The following NAA16 variants were observed in gnomAD, a reference collection of about 807,000 sequenced individuals.
The protein encoded by NAA16 is NARG1-like protein.
NAA16 carries 97 observed loss-of-function variants against 110.3 expected under a neutral mutation model. The ratio of observed to expected loss-of-function variants is 0.88; its 90% CI spans 0.75 to 1.04. The LOEUF (loss-of-function observed/expected upper bound fraction) is 1.04, where lower values mean the gene tolerates loss of function less well. Among genes scored for constraint, NAA16 ranks in the 50% least tolerant of loss-of-function variants. The probability of loss-of-function intolerance (pLI) is 0.00; values close to 1 mark genes in which losing one functional copy is unlikely to be tolerated. For synonymous variants in NAA16, 372 were observed against 330.6 expected (o/e 1.13, Z -1.36); for missense variants, 1,017 against 1,005.1 (o/e 1.01, Z -0.16).
intron 1 of NAA16, 107 bp downstream of exon 1, chr13:41,311,689 C>G: frequency 9.9e-7 from 1 of 1,014,532 alleles, no homozygotes. Context: ...GCCTCCGCTG[C>G]CCACCGCTCT....
Position 41,374,789 on chromosome 13 carries a change from AT to A in NAA16, c.2349del (p.Ile783MetfsTer3), listed in dbSNP as rs759671648. On this transcript the variant is annotated frameshift_variant, in exon 19 of 20. Coordinates refer to ENST00000379406, the MANE Select transcript of NAA16 (RefSeq NM_024561.5). LOFTEE classifies it low-confidence loss of function (END_TRUNC). ...GGACAAGTCAAGGCAGGAGAAAGCA[AT>A]TGCTATAGCCACTAGACTAGATGAA... ...FLDKSRQEKA[I>X]AIATRLDETI... The A allele has an allele frequency of 6.2e-7, 1 of 1,613,120 alleles. No homozygotes were observed. The highest frequency in any genetic ancestry group is 1.7e-5 in the Admixed American group (1 of 59,848).
At chr13:41,317,978 T>TA (rs2139370085) in intron 2 of NAA16, among the ~76,000 whole-genome samples, 1 of 152,310 alleles carries the variant, frequency 6.6e-6, no homozygotes, top group South Asian at 2.1e-4. Context: ...TTAATTAGCC[T>TA]AAGTATAATT....
At position 41,311,413 on chromosome 13, in the gene NAA16, T is replaced by A. The variant is rs1227990643; in HGVS notation, c.-116T>A. ...TTGCAACTGTAGACCAATGAACTAA[T>A]CCATCGCCCGCAGCCCGACTCTCAG... On this transcript the variant is annotated 5_prime_UTR_variant, in exon 1 of 20. Coordinates refer to ENST00000379406, the MANE Select transcript of NAA16 (RefSeq NM_024561.5). The A allele has an allele frequency of 1.2e-5, 12 of 975,380 alleles. No individual in the cohort carries two copies. Among genetic ancestry groups the A allele is most frequent in the African/African-American group, 1.6e-5 (1 of 60,742 alleles). The allele number at this position is 975,380 out of a possible 1,614,324, so 60.4% of individuals were successfully genotyped here.
chr13:41,331,174 A>T (rs2139414098), intron 7 of NAA16, 100 bp from the exon 8 acceptor site: 1 of 674,844 alleles, frequency 1.5e-6, no homozygotes, highest in East Asian at 2.7e-5. Context: ...AATATTGTTA[A>T]TGCAGTTTTA....
At chr13:41,354,195 T>C (rs777044716) in intron 9 of NAA16, among the ~76,000 whole-genome samples, 1 of 152,250 alleles carries the variant, frequency 6.6e-6, no homozygotes, top group African/African-American at 2.4e-5. Context: ...AAAGCTATCA[T>C]GTAGGCCTGA....
At chr13:41,350,603 T>G in intron 9 of NAA16, among the ~76,000 whole-genome samples, 2 of 19,458 alleles carry the variant, frequency 1.0e-4, no homozygotes, top group African/African-American at 6.6e-4. Flanking sequence ...GCCAGTTTTT[T>G]TTTGTTTTTT....
rs369778092 is a variant in NAA16 at position 41,358,973 on chromosome 13, G to C, written c.1410+11G>C. On this transcript the variant is annotated intron_variant, in intron 12 of 19. Coordinates refer to ENST00000379406, the MANE Select transcript of NAA16 (RefSeq NM_024561.5). ...TCCAAGTTCACAAGGGTAGGAAATA[G>C]CATGCATGAGCATGTAATTGTCTAA... 3.2e-6 allele frequency: 5 copies of C among 1,580,490 alleles called. No individual in the cohort carries two copies. The highest frequency in any genetic ancestry group is 2.3e-5 in the South Asian group (2 of 87,414).
At chr13:41,341,186 C>T (rs936609875) in intron 9 of NAA16, among the ~76,000 whole-genome samples, 4 of 152,020 alleles carry the variant, frequency 2.6e-5, no homozygotes, top group Non-Finnish European at 4.4e-5. Context: ...CTTGGTACAG[C>T]GATGAGTTCA....
In NAA16 at chr13:41,331,571, A is replaced by G. The variant is rs80215364; in HGVS notation, c.907+202A>G. 5.8e-3 allele frequency among the ~76,000 whole-genome samples: 880 copies of G among 152,242 alleles called. 4 individuals are homozygous for G. Among genetic ancestry groups the G allele is most frequent in the African/African-American group, 0.021 (852 of 41,554 alleles). The stretch of plus-strand genomic sequence containing the variant: ...TTGATTTTAATATTTGAAGTTATCT[A>G]TATAAATATAAAACTGCTTTTCTTA... On this transcript the variant is annotated intron_variant, in intron 8 of 19. Transcript: ENST00000379406.
At chr13:41,367,025 TGTA>T (rs2043220658) in intron 13 of NAA16, among the ~76,000 whole-genome samples, 1 of 152,194 alleles carries the variant, frequency 6.6e-6, no homozygotes, top group Non-Finnish European at 1.5e-5. Flanking sequence ...CAGTCAGATT[TGTA>T]AATATTTAGT....
chr13:41,315,008 AAGAT>A (rs757255425), intron 1 of NAA16, among the ~76,000 whole-genome samples: 2 of 152,124 alleles, frequency 1.3e-5, no homozygotes, highest in Admixed American at 6.5e-5. Context: ...ATAAATAAGA[AAGAT>A]AGGTGAGATC....
intron 1 of NAA16, among the ~76,000 whole-genome samples, chr13:41,313,633 G>A (rs1566235592): frequency 6.6e-6 from 1 of 152,062 alleles, no homozygotes; most frequent in Non-Finnish European, 1.5e-5. Context: ...GGTTTTTTAC[G>A]TGTTCCACGT....
rs1013389224 is a variant in NAA16, at chr13:41,355,358, A to G, written c.1087+142A>G. 6.8e-6 allele frequency: 4 copies of G among 587,550 alleles called. No homozygotes were observed. The African/African-American group carries it at 7.6e-5, about 11-fold the overall frequency. 36.4% of individuals were successfully genotyped at this position (587,550 alleles called of 1,614,324 possible). A position where few individuals can be genotyped will look rare whatever the true frequency, so the allele number is the denominator to read the frequency against. On this transcript the variant is annotated intron_variant, in intron 10 of 19. Coordinates refer to ENST00000379406, the MANE Select transcript of NAA16 (RefSeq NM_024561.5). ...TCAAATTGGTGAATGAAATGAGAGC[A>G]CTTTCAATCTTACTTAATTTAAATT...
intron 1 of NAA16, 84 bp downstream of exon 1, chr13:41,311,666 CGGGCCA>C: frequency 7.5e-7 from 1 of 1,337,808 alleles, no homozygotes; most frequent in Middle Eastern, 2.3e-4. Flanking sequence ...GCGGCCGGCG[CGGGCCA>C]GGCTTGGCCT....
chr13:41,314,382 G>T (rs2041753133), intron 1 of NAA16, among the ~76,000 whole-genome samples: 1 of 151,970 alleles, frequency 6.6e-6, no homozygotes, highest in Admixed American at 6.6e-5. Flanking sequence ...AGACAGACTT[G>T]TAGTCAAACT....
intron 9 of NAA16, among the ~76,000 whole-genome samples, chr13:41,342,958 C>A (rs911990618): frequency 7.2e-5 from 11 of 151,940 alleles, no homozygotes; most frequent in Non-Finnish European, 1.3e-4. Flanking sequence ...AGTAATTTTT[C>A]ATCAAAAAAG....
At chr13:41,348,045 A>C (rs1204182983) in intron 9 of NAA16, among the ~76,000 whole-genome samples, 1 of 152,292 alleles carries the variant, frequency 6.6e-6, no homozygotes, top group Admixed American at 6.5e-5. Context: ...TTTATCACGA[A>C]AGTCTGTTAC....
Position 41,336,677 on chromosome 13 carries a change from A to C in NAA16, c.935A>C (p.Lys312Thr). 1 of 1,604,706 alleles carries C rather than the reference A, an allele frequency of 6.2e-7. No homozygotes were observed. Among genetic ancestry groups the C allele is most frequent in the Non-Finnish European group, 8.5e-7 (1 of 1,175,274 alleles). The change falls in exon 9 of 20, where the codon AAG becomes ACG. Residue 312 changes from lysine (K) to threonine (T), a missense_variant. Physicochemically the swap from Lys to Thr is moderately conservative, Grantham distance 78. Coordinates refer to ENST00000379406, the MANE Select transcript of NAA16 (RefSeq NM_024561.5). ...GAAAGATTTAGAGAACTAATGGATA[A>C]GTTCCTGAGGGTTAACTTCAGTAAA... ...PGERFRELMD[K>T]FLRVNFSKGC...
chr13:41,322,022 G>T (rs1159461016), intron 4 of NAA16, among the ~76,000 whole-genome samples: 1 of 152,106 alleles, frequency 6.6e-6, no homozygotes, highest in African/African-American at 2.4e-5. Flanking sequence ...GTTATCTTTA[G>T]GAATGAGGCA....
Sources: gnomAD v4.1 joint callset for allele counts (sites outside exome capture counted in the v4.1 genomes callset) on GRCh38, gnomAD v4.1.1 for gene constraint, MANE v1.5 for transcripts, NCBI Gene and HGNC (gene_info 2026-07-23, HGNC 2026-07-21) for gene names.